The following GRIA3 variants were observed in gnomAD, a reference collection of about 807,000 sequenced individuals.
GRIA3 encodes glutamate receptor 3.
Under a neutral mutation model 63.0 loss-of-function variants are expected in GRIA3, and 3 were observed. The observed-to-expected ratio is 0.05, with a 90% CI of 0.02 to 0.12. The LOEUF is 0.12. GRIA3 is among the 10% of genes least tolerant of loss of function. The probability of loss-of-function intolerance (pLI) is 1.00; values close to 1 mark genes in which losing one functional copy is unlikely to be tolerated. For missense variants in GRIA3, 347 were observed against 700.9 expected, an observed-to-expected ratio of 0.50 and a Z score of 5.70; for synonymous variants, 274 against 257.9, an observed-to-expected ratio of 1.06 and a Z score of -0.60.
chrX:123,477,495 C>T (rs1391038677), intron 13 of GRIA3, among the ~76,000 whole-genome samples: 1 of 111,798 alleles, frequency 8.9e-6, no homozygotes, highest in African/African-American at 3.3e-5. Flanking sequence ...CTTCTTCAAT[C>T]AATCTATTGT....
At chrX:123,272,131 T>G (rs2044527693) in intron 3 of GRIA3, among the ~76,000 whole-genome samples, 1 of 111,325 alleles carries the variant, frequency 9.0e-6, no homozygotes, top group South Asian at 3.9e-4. Flanking sequence ...ATTCATGCCT[T>G]GGGCGTCAGT....
chrX:123,206,084 A>C (rs765029470), intron 2 of GRIA3, among the ~76,000 whole-genome samples: 1 of 111,581 alleles, frequency 9.0e-6, no homozygotes, highest in Non-Finnish European at 1.9e-5. Context: ...GTAAATGTTT[A>C]CTGATCTGGA....
chrX:123,419,596 T>C (rs2059095230), intron 11 of GRIA3, among the ~76,000 whole-genome samples: 1 of 110,991 alleles, frequency 9.0e-6, no homozygotes, highest in Non-Finnish European at 1.9e-5. Context: ...AGAGAGGGGA[T>C]AATCAGGGCC....
At chrX:123,213,382 C>G (rs979463990) in intron 2 of GRIA3, among the ~76,000 whole-genome samples, 20 of 112,214 alleles carry the variant, frequency 1.8e-4, no homozygotes, top group African/African-American at 5.2e-4. Flanking sequence ...TTATTTAATT[C>G]TGCCATCAGC....
intron 5 of GRIA3, among the ~76,000 whole-genome samples, chrX:123,358,960 A>G (rs2045151281): frequency 9.0e-6 from 1 of 111,453 alleles, no homozygotes; most frequent in Non-Finnish European, 1.9e-5. Context: ...GCAGTGTGGT[A>G]TAATAATAAT....
chrX:123,197,775 C>T (rs1927613508), intron 2 of GRIA3, among the ~76,000 whole-genome samples: 1 of 112,360 alleles, frequency 8.9e-6, no homozygotes, highest in Non-Finnish European at 1.9e-5. Context: ...TTGCACATCC[C>T]AACTCTTCCA....
chrX:123,483,015 G>T lies in GRIA3; in HGVS notation c.2656G>T (p.Val886Leu). The change falls in exon 15 of 16, where the codon GTG (valine) becomes TTG (leucine). Residue 886 changes from valine to leucine, a missense_variant. Val to Leu is a conservative substitution (Grantham distance 32). This residue lies in a region of GRIA3 where 29 missense variants were observed against 46.7 expected (regional missense o/e 0.62). Transcript: ENST00000620443. ...NYATYREGYN[V>L]YGTESVKI ...TGCTACATACAGAGAAGGCTACAACGTGTATGGAACAGAGAGTGTTAAGAT... is the reference window on the plus strand; with the variant it reads ...TGCTACATACAGAGAAGGCTACAACTTGTATGGAACAGAGAGTGTTAAGAT... 2 of 1,204,005 alleles carry T rather than the reference G, an allele frequency of 1.7e-6. No individual in the cohort carries two copies. Among genetic ancestry groups the T allele is most frequent in the Non-Finnish European group, 2.3e-6 (2 of 888,591 alleles).
At chrX:123,434,048 C>T (rs2147405409) in intron 12 of GRIA3, among the ~76,000 whole-genome samples, 1 of 112,022 alleles carries the variant, frequency 8.9e-6, no homozygotes, top group Admixed American at 9.5e-5. Context: ...GTCTACATTT[C>T]TTCAATATTT....
chrX:123,246,031 C>T (rs1418102831), intron 2 of GRIA3, among the ~76,000 whole-genome samples: 1 of 111,113 alleles, frequency 9.0e-6, no homozygotes, highest in Non-Finnish European at 1.9e-5. Flanking sequence ...AGTGAGTTCC[C>T]TTGTTACTGG....
chrX:123,342,591 G>A (rs887130213), intron 4 of GRIA3, among the ~76,000 whole-genome samples: 1 of 112,128 alleles, frequency 8.9e-6, no homozygotes, highest in African/African-American at 3.2e-5. Context: ...AAGGCTGTGA[G>A]CCACTTCCCT....
At position 123,487,450 on chromosome X, in the gene GRIA3, T is replaced by C. The variant is rs761714549; in HGVS notation, c.*3-1263T>C. ...TTCAAAGTGATCCACTTTCCTTCTG[T>C]AGCCTATGCATAGGCATGCTTACTG... On this transcript the variant is annotated intron_variant, in intron 15 of 15. Coordinates refer to ENST00000620443, the MANE Select transcript of GRIA3 (RefSeq NM_007325.5). 4.1e-3 allele frequency among the ~76,000 whole-genome samples: 454 copies of C among 112,087 alleles called. 5 individuals are homozygous for C. The highest frequency in any genetic ancestry group is 0.014 in the African/African-American group (434 of 30,834).
chrX:123,432,638 A>G (rs2147404402), intron 12 of GRIA3, among the ~76,000 whole-genome samples: 1 of 111,661 alleles, frequency 9.0e-6, no homozygotes, highest in East Asian at 2.8e-4. Context: ...CTGATTCTCT[A>G]AAAGAATATA....
At chrX:123,201,394 T>C (rs1332212396) in intron 2 of GRIA3, among the ~76,000 whole-genome samples, 2 of 112,040 alleles carry the variant, frequency 1.8e-5, no homozygotes, top group Non-Finnish European at 3.8e-5. Flanking sequence ...TGTAACATGA[T>C]TGTCGTATGG....
chrX:123,421,828 TAGTC>T (rs751961395), intron 11 of GRIA3, among the ~76,000 whole-genome samples: 42 of 111,863 alleles, frequency 3.8e-4, no homozygotes, highest in African/African-American at 1.3e-3. Context: ...AAGAAGGTGA[TAGTC>T]AGATTAAATA....
chrX:123,311,000 C>CAAAAAAAA (rs34433989), intron 3 of GRIA3, among the ~76,000 whole-genome samples: 1 of 86,293 alleles, frequency 1.2e-5, no homozygotes. Flanking sequence ...GAGAATCTGT[C>CAAAAAAAA]AAAAAAAAAA....
At chrX:123,249,402 A>G (rs1331368620) in intron 2 of GRIA3, among the ~76,000 whole-genome samples, 1 of 112,020 alleles carries the variant, frequency 8.9e-6, no homozygotes, top group African/African-American at 3.2e-5. Context: ...GGGTCAACTC[A>G]GTGTTCCATT....
At chrX:123,235,089 A>G (rs2044295369) in intron 2 of GRIA3, among the ~76,000 whole-genome samples, 1 of 112,064 alleles carries the variant, frequency 8.9e-6, no homozygotes, top group Admixed American at 9.5e-5. Context: ...TACAAAAACA[A>G]TGTAGGAAAA....
At chrX:123,254,145 G>A (rs898400004) in intron 3 of GRIA3, among the ~76,000 whole-genome samples, 1 of 111,083 alleles carries the variant, frequency 9.0e-6, no homozygotes. Flanking sequence ...TTTTGTTTTT[G>A]GTTTTGTTTT....
chrX:123,455,808 G>A lies in GRIA3; in HGVS notation c.2077-9057G>A, dbSNP rs182404064. Among the ~76,000 whole-genome samples the A allele has an allele frequency of 5.7e-5, 6 of 105,100 alleles. No homozygotes were observed. The East Asian group carries it at 1.8e-3, about 31-fold the overall frequency. 91.3% of individuals were successfully genotyped at this position (105,100 alleles called of 115,157 possible). On this transcript the variant is annotated intron_variant, in intron 12 of 15. Transcript: ENST00000620443. ...AGTGCTAAAGCAAGCAAAAGAGGCT[G>A]GGGTTATCACGGGGAAAGATCTATC...
Sources: allele counts gnomAD v4.1 joint callset (sites outside exome capture counted in the v4.1 genomes callset), GRCh38; gene constraint gnomAD v4.1.1; regional missense constraint gnomAD v4.1.1; transcripts MANE v1.5; gene names NCBI Gene and HGNC (gene_info 2026-07-23, HGNC 2026-07-21).